The following GRID2 variants were observed in gnomAD, a reference collection of about 807,000 sequenced individuals.
The protein encoded by GRID2 is glutamate receptor ionotropic, delta-2.
In GRID2, 33 loss-of-function variants were observed where a neutral mutation model predicts 114.8. The observed-to-expected ratio is 0.29, with a 90% CI of 0.22 to 0.38. The LOEUF (loss-of-function observed/expected upper bound fraction) is 0.38. GRID2 is among the 10% of genes least tolerant of loss of function. The pLI, the probability that GRID2 is intolerant of heterozygous loss-of-function variation, is 1.00. For missense variants in GRID2, 1,184 were observed against 1,257.7 expected (o/e 0.94, Z 0.89); for synonymous variants, 505 against 449.9 (o/e 1.12, Z -1.55).
chr4:92,922,246 C>G (rs1203914551), intron 2 of GRID2, among the ~76,000 whole-genome samples: 2 of 152,170 alleles, frequency 1.3e-5, no homozygotes, highest in African/African-American at 4.8e-5. Flanking sequence ...GCCATCGTCA[C>G]CCCTTTCTTT....
intron 1 of GRID2, among the ~76,000 whole-genome samples, chr4:92,520,092 A>T (rs1451121588): frequency 6.6e-6 from 1 of 151,784 alleles, no homozygotes; most frequent in Non-Finnish European, 1.5e-5. Flanking sequence ...TGGCACCCAT[A>T]TGCAACTCCT....
chr4:92,579,684 A>T (rs960986682), intron 1 of GRID2, among the ~76,000 whole-genome samples: 2 of 151,898 alleles, frequency 1.3e-5, no homozygotes, highest in Non-Finnish European at 2.9e-5. Flanking sequence ...GGATTAAGAG[A>T]GATAACCTAC....
chr4:93,128,172 A>C (rs1455027542), intron 4 of GRID2, among the ~76,000 whole-genome samples: 1 of 150,684 alleles, frequency 6.6e-6, no homozygotes, highest in Admixed American at 6.6e-5. Context: ...CCACTAAATT[A>C]TTTGTAAGGC....
intron 8 of GRID2, among the ~76,000 whole-genome samples, chr4:93,393,850 C>A (rs925296482): frequency 6.6e-6 from 1 of 151,796 alleles, no homozygotes; most frequent in African/African-American, 2.4e-5. Context: ...AGTTAAGAGA[C>A]GAATTTAAGG....
In GRID2 at chr4:93,333,201, C is replaced by T. The variant is rs555575441; in HGVS notation, c.1246-62406C>T. On this transcript the variant is annotated intron_variant, in intron 8 of 15. Coordinates refer to ENST00000282020, the MANE Select transcript of GRID2 (RefSeq NM_001510.4). ...GTTTTTTTAACTCATTCTAGAGTAG[C>T]ACTTTTTAAACTTTAATGTGCAGTT... Among the ~76,000 whole-genome samples the T allele has an allele frequency of 2.6e-5, 4 of 152,134 alleles. No homozygotes were observed. In the South Asian group the frequency reaches 8.3e-4, roughly 32 times the overall value.
chr4:93,653,269 C>A (rs1013062708), intron 14 of GRID2, among the ~76,000 whole-genome samples: 9 of 152,148 alleles, frequency 5.9e-5, no homozygotes, highest in Admixed American at 3.3e-4. Context: ...TGTCACATTT[C>A]CACCCCAGTG....
intron 10 of GRID2, among the ~76,000 whole-genome samples, chr4:93,440,772 C>G (rs983900764): frequency 1.3e-5 from 2 of 152,038 alleles, no homozygotes; most frequent in African/African-American, 4.8e-5. Flanking sequence ...GCTGTAGGAG[C>G]AATTTTCTAA....
At chr4:93,179,858 G>A (rs1739716452) in intron 4 of GRID2, among the ~76,000 whole-genome samples, 1 of 152,238 alleles carries the variant, frequency 6.6e-6, no homozygotes, top group Non-Finnish European at 1.5e-5. Flanking sequence ...ATAAACTTGG[G>A]TGGTTTTGGC....
intron 1 of GRID2, among the ~76,000 whole-genome samples, chr4:92,507,190 TG>T (rs1411321969): frequency 6.6e-6 from 1 of 151,998 alleles, no homozygotes; most frequent in East Asian, 1.9e-4. Flanking sequence ...TTAATGTTTT[TG>T]ATAGCTTTAC....
intron 13 of GRID2, among the ~76,000 whole-genome samples, chr4:93,536,058 A>T (rs1732034970): frequency 6.6e-6 from 1 of 152,022 alleles, no homozygotes; most frequent in African/African-American, 2.4e-5. Context: ...AATGAAGAAG[A>T]CACAAATAAA....
intron 4 of GRID2, among the ~76,000 whole-genome samples, chr4:93,128,024 C>CAA (rs1175904517): frequency 8.4e-4 from 16 of 19,018 alleles, no homozygotes; most frequent in Non-Finnish European, 1.4e-3. Context: ...TTGTCCCCCG[C>CAA]AACAAAAAAA....
intron 2 of GRID2, among the ~76,000 whole-genome samples, chr4:92,951,889 T>C (rs1039629149): frequency 1.3e-5 from 2 of 152,180 alleles, no homozygotes; most frequent in East Asian, 1.9e-4. Flanking sequence ...TCCTAAAGAG[T>C]TCCATATTCT....
chr4:92,640,791 G>A (rs891173657), intron 2 of GRID2, among the ~76,000 whole-genome samples: 1 of 151,668 alleles, frequency 6.6e-6, no homozygotes, highest in South Asian at 2.1e-4. Flanking sequence ...CCAGGTTATT[G>A]CAAGCACTTA....
intron 1 of GRID2, among the ~76,000 whole-genome samples, chr4:92,518,056 C>T (rs1724589011): frequency 6.6e-6 from 1 of 151,706 alleles, no homozygotes; most frequent in Non-Finnish European, 1.5e-5. Context: ...ACTACTTTTC[C>T]CCACCCATAC....
In GRID2 at chr4:93,110,821, AAAC is replaced by A. The variant is rs925727863; in HGVS notation, c.608_610del (p.Asn203del). On this transcript the variant is annotated inframe_deletion, in exon 4 of 16. Transcript: ENST00000282020. The stretch of plus-strand genomic sequence containing the variant: ...TGGATGTTGCACTTCAGAAGGTAGA[AAAC>A]AACATCAATAAAATGATTACCACTC... 10 of 1,611,548 alleles carry A rather than the reference AAAC, an allele frequency of 6.2e-6. No individual in the cohort carries two copies. The highest frequency in any genetic ancestry group is 7.6e-6 in the Non-Finnish European group (9 of 1,177,748).
chr4:92,366,248 T>G (rs2110209990), intron 1 of GRID2, among the ~76,000 whole-genome samples: 1 of 152,182 alleles, frequency 6.6e-6, no homozygotes, highest in South Asian at 2.1e-4. Context: ...AAATCCTCCA[T>G]GTTTCTTAGT....
At chr4:92,972,574 A>G (rs1279936130) in intron 2 of GRID2, among the ~76,000 whole-genome samples, 1 of 151,874 alleles carries the variant, frequency 6.6e-6, no homozygotes. Context: ...TATTTATCTC[A>G]GTTTTCTAGC....
intron 1 of GRID2, among the ~76,000 whole-genome samples, chr4:92,589,816 T>C (rs1482039561): frequency 1.3e-5 from 2 of 152,174 alleles, no homozygotes; most frequent in Admixed American, 1.3e-4. Flanking sequence ...CCTTAAAAAT[T>C]TCATGATATA....
intron 8 of GRID2, among the ~76,000 whole-genome samples, chr4:93,322,164 T>G (rs1043362416): frequency 6.6e-6 from 1 of 152,048 alleles, no homozygotes; most frequent in Non-Finnish European, 1.5e-5. Context: ...ATCATTTACA[T>G]TAGGTTTATC....
Sources: allele counts gnomAD v4.1 joint callset (sites outside exome capture counted in the v4.1 genomes callset), GRCh38; gene constraint gnomAD v4.1.1; transcripts MANE v1.5; gene names NCBI Gene and HGNC (gene_info 2026-07-23, HGNC 2026-07-21).